Variants in SRGAP2 observed in about 807,000 individuals in gnomAD.
SRGAP2 encodes the protein SLIT-ROBO Rho GTPase activating protein 2.
In SRGAP2, 15 loss-of-function variants were observed where a neutral mutation model predicts 57.2. That is an observed-to-expected ratio of 0.26 (90% CI 0.18 to 0.40). The LOEUF is 0.40. Among genes scored for constraint, SRGAP2 ranks in the 10% least tolerant of loss-of-function variants. The probability of loss-of-function intolerance (pLI) is 1.00; values close to 1 mark genes in which losing one functional copy is unlikely to be tolerated. For missense variants in SRGAP2, 520 were observed against 669.6 expected (o/e 0.78, Z 2.47); for synonymous variants, 249 against 248.0 (o/e 1.00, Z -0.04).
intron 2 of SRGAP2, chr1:206,213,491 G>A (rs1666443671): frequency 7.5e-6 from 2 of 265,254 alleles, no homozygotes; most frequent in African/African-American, 2.3e-5. Flanking sequence ...CAATCTCCAA[G>A]GAAAGTCAGG....
At chr1:206,237,294 G>C (rs1314277256) in intron 2 of SRGAP2, among the ~76,000 whole-genome samples, 1 of 152,002 alleles carries the variant, frequency 6.6e-6, no homozygotes, top group Non-Finnish European at 1.5e-5. Flanking sequence ...TGTCTCAGAG[G>C]GGGGAAAAAA....
In SRGAP2 at chr1:206,259,458, T is replaced by G. The variant is rs1312601997; in HGVS notation, c.68-43823T>G. ...CTCGAGTGATCCTCCCACCTCAGCCTCCCAAGTAACTGGGACCACAGGTGC... is the reference window on the plus strand; with the variant it reads ...CTCGAGTGATCCTCCCACCTCAGCCGCCCAAGTAACTGGGACCACAGGTGC... On this transcript the variant is annotated intron_variant, in intron 2 of 22. Transcript: ENST00000573034. 8.9e-4 allele frequency among the ~76,000 whole-genome samples: 133 copies of G among 148,764 alleles called. 1 individual carries two copies. The highest frequency in any genetic ancestry group is 1.5e-3 in the South Asian group (7 of 4,774).
chr1:206,333,164 G>A (rs781860396), intron 3 of SRGAP2, among the ~76,000 whole-genome samples: 31 of 149,160 alleles, frequency 2.1e-4, no homozygotes, highest in African/African-American at 4.5e-4. Context: ...CAGTCTGCCC[G>A]TTCTCAGATC....
chr1:206,429,391 G>C (rs1661095926), intron 13 of SRGAP2, among the ~76,000 whole-genome samples: 1 of 152,254 alleles, frequency 6.6e-6, no homozygotes. Flanking sequence ...AGAGCATCAT[G>C]GCCAACCCTG....
chr1:206,412,872 G>T (rs17045185), intron 10 of SRGAP2, among the ~76,000 whole-genome samples: 6,597 of 152,232 alleles, frequency 0.043, 289 homozygotes, highest in African/African-American at 0.11. Context: ...CAGACTCTGA[G>T]ATGCCTTTAC....
intron 10 of SRGAP2, 42 bp from the exon 11 acceptor site, chr1:206,415,847 T>C: frequency 2.7e-6 from 2 of 754,206 alleles, no homozygotes; most frequent in Non-Finnish European, 4.9e-6. Flanking sequence ...TTTCTTCTTC[T>C]TCAGGAGTCT....
At position 206,394,258 on chromosome 1, in the gene SRGAP2, G is replaced by A. The variant is rs1212266006; in HGVS notation, c.831+585G>A. Reference sequence around the variant, plus strand: ...GATGGGGTTTCACCATGTTAGTGAAGCTGATCTGGAACTCCTCACCTCAGG... The same window carrying A: ...GATGGGGTTTCACCATGTTAGTGAAACTGATCTGGAACTCCTCACCTCAGG... On this transcript the variant is annotated intron_variant, in intron 7 of 22. Transcript: ENST00000573034. 4.7e-5 allele frequency among the ~76,000 whole-genome samples: 7 copies of A among 150,228 alleles called. No individual in the cohort carries two copies. The East Asian group carries it at 1.4e-3, about 30-fold the overall frequency.
At chr1:206,359,798 CTTTT>C (rs1166916482) in intron 4 of SRGAP2, among the ~76,000 whole-genome samples, 11 of 70,226 alleles carry the variant, frequency 1.6e-4, no homozygotes, top group Non-Finnish European at 2.1e-4. Context: ...GGATATTGCT[CTTTT>C]TTTTTTTTTT....
At chr1:206,430,105 A>G (rs1260923498) in intron 13 of SRGAP2, 57 bp from the exon 14 acceptor site, 3 of 779,496 alleles carry the variant, frequency 3.8e-6, no homozygotes, top group Non-Finnish European at 7.2e-6. Context: ...GTTTTCTCTG[A>G]CCCTGGGCTA....
intron 16 of SRGAP2, among the ~76,000 whole-genome samples, chr1:206,438,677 C>G (rs1240590949): frequency 1.3e-5 from 2 of 152,172 alleles, no homozygotes; most frequent in Non-Finnish European, 2.9e-5. Flanking sequence ...TTTGGTTTAG[C>G]TTGTGGTACT....
chr1:206,456,595 C>G (rs781934796), intron 21 of SRGAP2, among the ~76,000 whole-genome samples: 11 of 151,968 alleles, frequency 7.2e-5, no homozygotes, highest in Admixed American at 2.6e-4. Context: ...AGAGTAATAA[C>G]TGAAATGGTA....
intron 4 of SRGAP2, among the ~76,000 whole-genome samples, chr1:206,358,472 A>T (rs1214027053): frequency 6.6e-6 from 1 of 151,276 alleles, no homozygotes; most frequent in Non-Finnish European, 1.5e-5. Flanking sequence ...CTCCAACTTT[A>T]ATCATCTCTT....
chr1:206,266,966 CTTTTTTTTT>C (rs1197579154), intron 2 of SRGAP2, among the ~76,000 whole-genome samples: 1 of 70,050 alleles, frequency 1.4e-5, no homozygotes, highest in Non-Finnish European at 2.6e-5. Context: ...GCAAAACTTA[CTTTTTTTTT>C]TTTTTTTTTT....
At chr1:206,281,945 G>A (rs1670765642) in intron 2 of SRGAP2, among the ~76,000 whole-genome samples, 1 of 149,374 alleles carries the variant, frequency 6.7e-6, no homozygotes, top group Non-Finnish European at 1.5e-5. Flanking sequence ...CCTTTTCTTT[G>A]TTGGAACCTG....
chr1:206,387,149 A>G (rs1656382746), intron 5 of SRGAP2, among the ~76,000 whole-genome samples: 1 of 140,086 alleles, frequency 7.1e-6, no homozygotes, highest in South Asian at 2.4e-4. Context: ...AAAAAAAAAT[A>G]GCAGTTCAGA....
chr1:206,419,686 C>T (rs1660122492), intron 12 of SRGAP2, among the ~76,000 whole-genome samples: 1 of 152,074 alleles, frequency 6.6e-6, no homozygotes, highest in Non-Finnish European at 1.5e-5. Context: ...CACTGAATTG[C>T]AAGTAACATA....
At chr1:206,204,454 A>ACGCTAGCGGGAGC (rs1176987781) in intron 1 of SRGAP2, 2 of 65,170 alleles carry the variant, frequency 3.1e-5, no homozygotes, top group Admixed American at 3.6e-4. Flanking sequence ...GAAGTGGGAG[A>ACGCTAGCGGGAGC]CGCTAGCGGG....
intron 3 of SRGAP2, among the ~76,000 whole-genome samples, chr1:206,307,838 C>T (rs1672347149): frequency 1.3e-5 from 2 of 152,018 alleles, no homozygotes; most frequent in African/African-American, 4.8e-5. Context: ...GCCTCTCCCT[C>T]CACACCTCCC....
At chr1:206,289,612 T>G (rs1297690740) in intron 2 of SRGAP2, among the ~76,000 whole-genome samples, 22 of 150,432 alleles carry the variant, frequency 1.5e-4, no homozygotes, top group African/African-American at 5.3e-4. Context: ...TGTTTTGTTT[T>G]TTTAAACTTA....
Sources: gnomAD v4.1 joint callset for allele counts (sites outside exome capture counted in the v4.1 genomes callset) on GRCh38, gnomAD v4.1.1 for gene constraint, MANE v1.5 for transcripts, NCBI Gene and HGNC (gene_info 2026-07-23, HGNC 2026-07-21) for gene names.